Variants in HEG1 observed in about 807,000 individuals in gnomAD.
The protein encoded by HEG1 is heart development protein with EGF like domains 1.
A neutral mutation model predicts 125.6 loss-of-function variants in HEG1; 56 were observed. The ratio of observed to expected loss-of-function variants is 0.45; its 90% CI spans 0.36 to 0.56. The LOEUF (loss-of-function observed/expected upper bound fraction) is 0.56, where lower values mean the gene tolerates loss of function less well. Ranked by LOEUF, HEG1 falls within the 20% of genes least tolerant of loss-of-function variation. The probability of loss-of-function intolerance (pLI) is 0.00; values close to 1 mark genes in which losing one functional copy is unlikely to be tolerated. For missense variants in HEG1, 1,523 were observed against 1,670.0 expected (o/e 0.91, Z 1.53); for synonymous variants, 644 against 668.5 (o/e 0.96, Z 0.57).
Position 125,013,328 on chromosome 3 carries a change from T to C in HEG1, c.2251A>G (p.Arg751Gly). The C allele has an allele frequency of 6.2e-7, 1 of 1,613,998 alleles. No individual in the cohort carries two copies. Among genetic ancestry groups the C allele is most frequent in the African/African-American group, 1.3e-5 (1 of 75,052 alleles). ...SSSTPVLPRA[R>G]ETPVTSFQTS... The stretch of plus-strand genomic sequence containing the variant: ...TGAAATGAAGTCACAGGAGTCTCCC[T>C]TGCCCTGGGCAGGACAGGGGTAGAA... The change falls in exon 6 of 17, where the codon AGG becomes GGG. Residue 751 changes from arginine (R) to glycine (G), a missense_variant. Arg to Gly is a moderately radical substitution (Grantham distance 125). Transcript: ENST00000311127.
intron 1 of HEG1, among the ~76,000 whole-genome samples, chr3:125,040,204 A>T (rs941428358): frequency 6.6e-6 from 1 of 152,178 alleles, no homozygotes; most frequent in Non-Finnish European, 1.5e-5. Flanking sequence ...ACAGTTAAAG[A>T]TTTGGGACCG....
intron 1 of HEG1, among the ~76,000 whole-genome samples, chr3:125,039,369 G>C (rs137949041): frequency 6.6e-6 from 1 of 152,070 alleles, no homozygotes; most frequent in Non-Finnish European, 1.5e-5. Flanking sequence ...TTTTCAGTTT[G>C]CATTGTTTCT....
Position 124,997,796 on chromosome 3 carries a change from G to A in HEG1, c.3545C>T (p.Pro1182Leu), listed in dbSNP as rs200670096. 445 of 1,587,874 alleles carry A rather than the reference G, an allele frequency of 2.8e-4. No homozygotes were observed. Among genetic ancestry groups the A allele is most frequent in the Non-Finnish European group, 3.6e-4 (424 of 1,162,912 alleles). Reference sequence around the variant, plus strand: ...GATGGAGGTGTCTTTGTCACATTCGGGACTCTTCCGCTTGCACAAGCTGCC... The same window carrying A: ...GATGGAGGTGTCTTTGTCACATTCGAGACTCTTCCGCTTGCACAAGCTGCC... ...RAGSLCKRKS[P>L]ECDKDTSICT... is the part of the protein sequence containing the mutation. The change falls in exon 12 of 17, where the codon CCC becomes CTC. Residue 1182 changes from proline to leucine, a missense_variant. By Grantham distance (98) the Pro-to-Leu change is moderately conservative (BLOSUM62 -3). Coordinates refer to ENST00000311127, the MANE Select transcript of HEG1 (RefSeq NM_020733.2).
chr3:125,043,215 CG>C (rs1282572852), intron 1 of HEG1, among the ~76,000 whole-genome samples: 1 of 152,214 alleles, frequency 6.6e-6, no homozygotes, highest in Non-Finnish European at 1.5e-5. Flanking sequence ...GCATTCTCTC[CG>C]GGTGACAGAC....
intron 15 of HEG1, among the ~76,000 whole-genome samples, chr3:124,974,654 G>A (rs931967979): frequency 2.0e-5 from 3 of 152,188 alleles, no homozygotes; most frequent in African/African-American, 4.8e-5. Context: ...GTTGGAATCT[G>A]TGTTCTTCAC....
At chr3:125,033,940 A>T (rs1453466062) in intron 1 of HEG1, among the ~76,000 whole-genome samples, 1 of 152,312 alleles carries the variant, frequency 6.6e-6, no homozygotes, top group East Asian at 1.9e-4. Context: ...GAGGTGGAAG[A>T]GTTTCATCCC....
chr3:125,029,595 G>A, intron 1 of HEG1, 107 bp from the exon 2 acceptor site: 2 of 1,184,774 alleles, frequency 1.7e-6, no homozygotes, highest in East Asian at 4.8e-5. Context: ...GTGAATTCAA[G>A]TAAAAGAATT....
At chr3:125,009,445 G>A (rs942016355) in intron 8 of HEG1, 2 of 246,228 alleles carry the variant, frequency 8.1e-6, no homozygotes, top group Non-Finnish European at 1.6e-5. Context: ...ACAGGAAAAT[G>A]TTTAAGATAT....
chr3:125,034,027 G>A (rs2948779), intron 1 of HEG1, among the ~76,000 whole-genome samples: 23,122 of 147,318 alleles, frequency 0.16, 2,351 homozygotes, highest in East Asian at 0.45. Flanking sequence ...TGCCAAAAAG[G>A]TTGGGGACCA....
chr3:125,031,571 C>G (rs1190451822), intron 1 of HEG1, among the ~76,000 whole-genome samples: 1 of 151,970 alleles, frequency 6.6e-6, no homozygotes, highest in African/African-American at 2.4e-5. Flanking sequence ...GGAATCACTT[C>G]GATTTATATG....
intron 1 of HEG1, 142 bp from the exon 2 acceptor site, chr3:125,029,630 C>T (rs893207710): frequency 5.3e-6 from 4 of 748,804 alleles, no homozygotes; most frequent in African/African-American, 5.3e-5. Flanking sequence ...TGGCTCACAC[C>T]TATAATCCCA....
chr3:124,989,546 A>C (rs1936795288), intron 14 of HEG1, among the ~76,000 whole-genome samples: 1 of 152,182 alleles, frequency 6.6e-6, no homozygotes, highest in African/African-American at 2.4e-5. Context: ...CTAATGTATG[A>C]ATATAAGAAA....
intron 1 of HEG1, among the ~76,000 whole-genome samples, chr3:125,046,414 CA>C (rs1937669838): frequency 7.0e-6 from 1 of 143,244 alleles, no homozygotes. Context: ...CACACACACA[CA>C]CACACACACA....
chr3:125,002,442 C>T, intron 9 of HEG1, 127 bp from the exon 10 acceptor site: 1 of 753,328 alleles, frequency 1.3e-6, no homozygotes, highest in Admixed American at 2.5e-5. Flanking sequence ...CGCGGCTTTG[C>T]ACAGAAGTGG....
intron 1 of HEG1, among the ~76,000 whole-genome samples, chr3:125,040,007 G>A (rs546129031): frequency 6.6e-6 from 1 of 152,278 alleles, no homozygotes; most frequent in South Asian, 2.1e-4. Context: ...ATTATTAGCT[G>A]GAAGACTGAG....
intron 14 of HEG1, among the ~76,000 whole-genome samples, chr3:124,983,375 C>T (rs893513355): frequency 6.6e-5 from 10 of 151,726 alleles, no homozygotes; most frequent in African/African-American, 2.4e-4. Context: ...CTTGCTCTGT[C>T]ACCCAGGCTG....
intron 3 of HEG1, among the ~76,000 whole-genome samples, chr3:125,025,376 G>C (rs546182983): frequency 1.4e-4 from 22 of 152,278 alleles, no homozygotes; most frequent in Non-Finnish European, 2.1e-4. Context: ...TATCTAAAAG[G>C]GTGGTGGGAC....
intron 5 of HEG1, among the ~76,000 whole-genome samples, chr3:125,015,736 A>AAATGAGGT (rs1325995199): frequency 6.6e-6 from 1 of 152,186 alleles, no homozygotes; most frequent in Non-Finnish European, 1.5e-5. Flanking sequence ...GAAATGATGA[A>AAATGAGGT]AATGAGGTCC....
At chr3:125,014,746 A>G in intron 5 of HEG1, 1 of 1,284,092 alleles carries the variant, frequency 7.8e-7, no homozygotes, top group South Asian at 1.2e-5. Flanking sequence ...AGTGACCGTG[A>G]GACCAGGCCC....
Sources: allele counts gnomAD v4.1 joint callset (sites outside exome capture counted in the v4.1 genomes callset), GRCh38; gene constraint gnomAD v4.1.1; transcripts MANE v1.5; gene names NCBI Gene and HGNC (gene_info 2026-07-23, HGNC 2026-07-21).